JMY: variants seen among roughly 807,000 people sequenced by gnomAD.
JMY encodes the protein junction mediating and regulatory protein, p53 cofactor.
Under a neutral mutation model 103.3 loss-of-function variants are expected in JMY, and 46 were observed. The observed-to-expected ratio is 0.45, with a 90% CI of 0.35 to 0.57. The LOEUF is 0.57. Among genes scored for constraint, JMY ranks in the 20% least tolerant of loss-of-function variants. The probability of loss-of-function intolerance (pLI) is 0.00; values close to 1 mark genes in which losing one functional copy is unlikely to be tolerated. For synonymous variants in JMY, 526 were observed against 489.3 expected, an observed-to-expected ratio of 1.07 and a Z score of -0.99; for missense variants, 1,238 against 1,255.2, an observed-to-expected ratio of 0.99 and a Z score of 0.21.
Position 79,314,645 on chromosome 5 carries a change from C to CAA in JMY, c.2453_2454insAA (p.Pro819ThrfsTer70). On this transcript the variant is annotated frameshift_variant, in exon 9 of 11. Coordinates refer to ENST00000396137, the MANE Select transcript of JMY (RefSeq NM_152405.5). LOFTEE classifies it high-confidence loss of function. ...ACACCACCACCTCCCCCACCTCCTC[C>CAA]CCCTCCCCCACCACCACCACCTCTG... 7.6e-7 allele frequency: 1 copy of CAA among 1,308,572 alleles called. No individual in the cohort carries two copies. Among genetic ancestry groups the CAA allele is most frequent in the Non-Finnish European group, 1.1e-6 (1 of 924,008 alleles). 81.1% of individuals were successfully genotyped at this position (1,308,572 alleles called of 1,614,324 possible).
chr5:79,272,892 T>C (rs1218630946), intron 1 of JMY, among the ~76,000 whole-genome samples: 1 of 152,190 alleles, frequency 6.6e-6, no homozygotes, highest in East Asian at 1.9e-4. Flanking sequence ...TGCCTCGGCC[T>C]CCCAAAGTGC....
chr5:79,249,900 T>C (rs1292239600), intron 1 of JMY, among the ~76,000 whole-genome samples: 1 of 152,126 alleles, frequency 6.6e-6, no homozygotes, highest in East Asian at 1.9e-4. Context: ...CACTTCTACT[T>C]TCCACTAGCT....
At chr5:79,277,818 C>T (rs367779863) in intron 1 of JMY, 92 bp from the exon 2 acceptor site, 9 of 1,143,146 alleles carry the variant, frequency 7.9e-6, no homozygotes, top group South Asian at 1.8e-5. Flanking sequence ...TTTAGGGTTC[C>T]GAGGTCCTGG....
In JMY at chr5:79,279,511, A is replaced by G. The variant is rs77133402; in HGVS notation, c.1206+1428A>G. On this transcript the variant is annotated intron_variant, in intron 2 of 10. Coordinates refer to ENST00000396137, the MANE Select transcript of JMY (RefSeq NM_152405.5). ...ACCTAATAGGTTAAGTTGGAATATC[A>G]TTATGTAAGATTGAGTATTTGAGAA... Among the ~76,000 whole-genome samples the G allele has an allele frequency of 2.1e-4, 32 of 152,320 alleles. No individual in the cohort carries two copies. In the East Asian group the frequency reaches 6.2e-3, roughly 29 times the overall value.
intron 2 of JMY, chr5:79,284,947 T>TA: frequency 7.0e-7 from 1 of 1,426,092 alleles, no homozygotes; most frequent in Admixed American, 1.8e-5. Context: ...AAAAGGAAGT[T>TA]ACTTTCAAAT....
intron 1 of JMY, among the ~76,000 whole-genome samples, chr5:79,259,130 T>G (rs1341126619): frequency 6.6e-6 from 1 of 152,120 alleles, no homozygotes; most frequent in East Asian, 1.9e-4. Flanking sequence ...TCCCATCATT[T>G]CTTCAGCTCT....
Position 79,316,049 on chromosome 5 carries a change from T to C in JMY, c.2709T>C (p.Phe903=). ...TAGCCTCCTTGAAGCGTGGTAGTTT[T>C]CATCTGAAAAAGGTTGAACAGCGAA... is the stretch of plus-strand genomic sequence containing the variant. ...EVLASLKRGS[F]HLKKVEQRTL... Residue 903 remains phenylalanine, a synonymous_variant, in exon 10 of 11, where the codon TTT becomes TTC. Coordinates refer to ENST00000396137, the MANE Select transcript of JMY (RefSeq NM_152405.5). 1 of 1,614,242 alleles carries C rather than the reference T, an allele frequency of 6.2e-7. No homozygotes were observed. The highest frequency in any genetic ancestry group is 8.5e-7 in the Non-Finnish European group (1 of 1,180,032).
At chr5:79,247,491 AGTT>A (rs1744937519) in intron 1 of JMY, among the ~76,000 whole-genome samples, 1 of 151,362 alleles carries the variant, frequency 6.6e-6, no homozygotes. Flanking sequence ...TGTATTTTTT[AGTT>A]GTTGTTGAAA....
intron 1 of JMY, among the ~76,000 whole-genome samples, chr5:79,239,909 T>C (rs1744681660): frequency 1.3e-5 from 2 of 152,082 alleles, no homozygotes; most frequent in African/African-American, 4.8e-5. Flanking sequence ...AATATAATTT[T>C]CTAGAACTCT....
At chr5:79,272,386 T>C (rs1176004126) in intron 1 of JMY, among the ~76,000 whole-genome samples, 1 of 152,130 alleles carries the variant, frequency 6.6e-6, no homozygotes, top group Non-Finnish European at 1.5e-5. Flanking sequence ...TGGATTTAGG[T>C]CTATTTGTTT....
chr5:79,286,836 T>C (rs1746284625), intron 2 of JMY, among the ~76,000 whole-genome samples: 1 of 152,180 alleles, frequency 6.6e-6, no homozygotes, highest in African/African-American at 2.4e-5. Flanking sequence ...GAATCTAATA[T>C]AAAGAATTTG....
rs188423969 is a variant in JMY, at chr5:79,277,672, A to G, written c.1033-238A>G. Among the ~76,000 whole-genome samples the G allele has an allele frequency of 2.3e-3, 342 of 151,846 alleles. 5 individuals are homozygous for G. The highest frequency in any genetic ancestry group is 9.1e-4 in the Non-Finnish European group (62 of 67,930). ...AAAAAAAAGGAAAATAAAAAATGGG[A>G]AGTGTTAAGGCTAAGCTCAATACTT... On this transcript the variant is annotated intron_variant, in intron 1 of 10. Transcript: ENST00000396137.
At chr5:79,257,259 G>A (rs1451070252) in intron 1 of JMY, among the ~76,000 whole-genome samples, 1 of 151,874 alleles carries the variant, frequency 6.6e-6, no homozygotes, top group East Asian at 1.9e-4. Flanking sequence ...TTCTTTCTAG[G>A]TAGGGCCAGA....
At position 79,284,909 on chromosome 5, in the gene JMY, C is replaced by T. The variant is rs1304962556; in HGVS notation, c.1207-5212C>T. 3 of 1,545,702 alleles carry T rather than the reference C, an allele frequency of 1.9e-6. No homozygotes were observed. The East Asian group carries it at 6.7e-5, about 35-fold the overall frequency. The stretch of plus-strand genomic sequence containing the variant: ...CCTTTCGTAAGGTGCTTGTTCTTGC[C>T]AACCGCCATGGTGCTGGTCAGAGAG... On this transcript the variant is annotated intron_variant, in intron 2 of 10. Coordinates refer to ENST00000396137, the MANE Select transcript of JMY (RefSeq NM_152405.5).
chr5:79,319,698 A>G (rs374198856), intron 10 of JMY, among the ~76,000 whole-genome samples: 1 of 151,868 alleles, frequency 6.6e-6, no homozygotes, highest in East Asian at 1.9e-4. Flanking sequence ...CTCCTGCCTC[A>G]GCCTCCGGAG....
Position 79,316,329 on chromosome 5 carries a change from T to A in JMY, c.*3+19T>A. 6.4e-7 allele frequency: 1 copy of A among 1,551,806 alleles called. No homozygotes were observed. Among genetic ancestry groups the A allele is most frequent in the Non-Finnish European group, 8.8e-7 (1 of 1,139,658 alleles). The stretch of plus-strand genomic sequence containing the variant: ...CTAACAAGTAAACGGCCTTATTGTC[T>A]TTAGTAGCATTCAGTAATACAGGTT... On this transcript the variant is annotated intron_variant, in intron 10 of 10. Transcript: ENST00000396137.
chr5:79,263,575 G>A (rs900390092), intron 1 of JMY, among the ~76,000 whole-genome samples: 4 of 151,972 alleles, frequency 2.6e-5, no homozygotes, highest in African/African-American at 9.7e-5. Context: ...TCACTTTTTT[G>A]TGGAGACAGG....
chr5:79,309,328 C>T (rs1461553313), intron 7 of JMY, among the ~76,000 whole-genome samples: 2 of 151,964 alleles, frequency 1.3e-5, no homozygotes, highest in East Asian at 3.9e-4. Context: ...CCCTCTATTC[C>T]TAGTTTGCTA....
At chr5:79,259,379 C>G (rs1454033078) in intron 1 of JMY, among the ~76,000 whole-genome samples, 3 of 152,166 alleles carry the variant, frequency 2.0e-5, no homozygotes, top group Non-Finnish European at 4.4e-5. Flanking sequence ...CGTGGGCAAA[C>G]ATGGGCGGGC....
Sources: allele counts gnomAD v4.1 joint callset (sites outside exome capture counted in the v4.1 genomes callset), GRCh38; gene constraint gnomAD v4.1.1; transcripts MANE v1.5; gene names NCBI Gene and HGNC (gene_info 2026-07-23, HGNC 2026-07-21).